Variants in CCAR1 observed in about 807,000 individuals in gnomAD.
CCAR1 encodes the protein cell division cycle and apoptosis regulator 1, also known as cell division cycle and apoptosis regulator protein 1.
CCAR1 carries 78 observed loss-of-function variants against 163.8 expected under a neutral mutation model. The ratio of observed to expected loss-of-function variants is 0.48; its 90% confidence interval spans 0.40 to 0.57. CCAR1 has a LOEUF of 0.57. CCAR1 is among the 20% of genes least tolerant of loss of function. The pLI, the probability that CCAR1 is intolerant of heterozygous loss-of-function variation, is 0.00. For missense variants in CCAR1, 1,019 were observed against 1,365.2 expected (o/e 0.75, Z 4.00); for synonymous variants, 443 against 460.7 (o/e 0.96, Z 0.49).
intron 2 of CCAR1, among the ~76,000 whole-genome samples, chr10:68,725,600 G>T (rs1277745622): frequency 6.6e-6 from 1 of 151,974 alleles, no homozygotes; most frequent in Non-Finnish European, 1.5e-5. Flanking sequence ...TGTGTTTAGG[G>T]ATTTCAAATA....
chr10:68,757,289 G>T lies in CCAR1; in HGVS notation c.1837-5G>T. The stretch of plus-strand genomic sequence containing the variant: ...AGTAATTACATTCTTAACTTTGTAT[G>T]TCAGGATGAAGAAGAGAAGGATGAT... On this transcript the variant is annotated splice_polypyrimidine_tract_variant and splice_region_variant and intron_variant, in intron 14 of 24. Coordinates refer to ENST00000265872, the MANE Select transcript of CCAR1 (RefSeq NM_018237.4). 1 of 1,464,902 alleles carries T rather than the reference G, an allele frequency of 6.8e-7. No homozygotes were observed. Among genetic ancestry groups the T allele is most frequent in the Non-Finnish European group, 9.5e-7 (1 of 1,048,818 alleles). 90.7% of individuals were successfully genotyped at this position (1,464,902 alleles called of 1,614,324 possible). A position where few individuals can be genotyped will look rare whatever the true frequency, so the allele number is the denominator to read the frequency against.
intron 6 of CCAR1, among the ~76,000 whole-genome samples, chr10:68,743,482 A>G (rs2056210968): frequency 1.3e-5 from 2 of 151,338 alleles, no homozygotes; most frequent in Non-Finnish European, 2.9e-5. Flanking sequence ...GTAATATTGT[A>G]TTTTTATTTT....
intron 18 of CCAR1, 28 bp from the exon 19 acceptor site, chr10:68,772,960 T>G (rs2056621600): frequency 8.5e-7 from 1 of 1,173,532 alleles, no homozygotes; most frequent in Admixed American, 2.4e-5. Context: ...AATAAGTAAA[T>G]AAATAATAAA....
Position 68,756,830 on chromosome 10 carries a change from A to T in CCAR1, c.1836+347A>T, listed in dbSNP as rs1347929760. On this transcript the variant is annotated intron_variant, in intron 14 of 24. Transcript: ENST00000265872. This position sits in a 1 kb window ranked among gnomAD's most constrained non-coding sequence, Gnocchi z 5.1. ...AACATTTTGCCATTTTCTAAAATTTAAAAAATTTTCTTTTTCATGGTCATC... is the reference window on the plus strand; with the variant it reads ...AACATTTTGCCATTTTCTAAAATTTTAAAAATTTTCTTTTTCATGGTCATC... Among the ~76,000 whole-genome samples, 1 of 152,230 alleles carries T rather than the reference A, an allele frequency of 6.6e-6. No homozygotes were observed. The highest frequency in any genetic ancestry group is 1.5e-5 in the Non-Finnish European group (1 of 68,038).
chr10:68,760,350 G>A (rs942390925), intron 15 of CCAR1, among the ~76,000 whole-genome samples: 1 of 151,996 alleles, frequency 6.6e-6, no homozygotes, highest in Non-Finnish European at 1.5e-5. Context: ...TTTTTTGGAG[G>A]GAGGAAATAA....
intron 2 of CCAR1, among the ~76,000 whole-genome samples, chr10:68,736,522 T>C (rs1334175272): frequency 6.6e-6 from 1 of 152,218 alleles, no homozygotes; most frequent in Non-Finnish European, 1.5e-5. Flanking sequence ...GCCACCATTT[T>C]ACTCTGTTTC....
chr10:68,771,506 T>C (rs1409591394), intron 18 of CCAR1, 61 bp downstream of exon 18: 1 of 1,400,956 alleles, frequency 7.1e-7, no homozygotes, highest in Non-Finnish European at 9.8e-7. Context: ...TAAAGGTTGA[T>C]GTTGATTTCC....
intron 17 of CCAR1, among the ~76,000 whole-genome samples, chr10:68,770,509 A>G (rs1220978470): frequency 2.0e-5 from 3 of 152,102 alleles, no homozygotes; most frequent in Admixed American, 6.6e-5. Context: ...TTGGGAGACC[A>G]AGGCAGGCGG....
At chr10:68,774,967 A>G (rs944034750) in intron 19 of CCAR1, 13 of 389,346 alleles carry the variant, frequency 3.3e-5, no homozygotes, top group Middle Eastern at 4.3e-4. Flanking sequence ...GTCTCTGGCA[A>G]TTACTTTTAT....
intron 12 of CCAR1, among the ~76,000 whole-genome samples, 183 bp downstream of exon 12, chr10:68,755,010 T>C (rs1307152212): frequency 2.0e-5 from 3 of 152,256 alleles, no homozygotes; most frequent in Non-Finnish European, 2.9e-5. Flanking sequence ...CTATATCTTA[T>C]TTGTACGCTA....
intron 2 of CCAR1, among the ~76,000 whole-genome samples, chr10:68,722,972 T>C (rs1056682308): frequency 3.9e-5 from 6 of 152,046 alleles, no homozygotes; most frequent in African/African-American, 1.2e-4. Flanking sequence ...TATTCTGATA[T>C]TGTAAAGTGT....
chr10:68,747,527 ACTCAACCACAGCCCTTATTACAGCAGC>A lies in CCAR1; in HGVS notation c.792_818del (p.Pro265_Gln273del). The A allele has an allele frequency of 6.2e-7, 1 of 1,614,058 alleles. No individual in the cohort carries two copies. The highest frequency in any genetic ancestry group is 1.1e-5 in the South Asian group (1 of 91,078). On this transcript the variant is annotated inframe_deletion, in exon 8 of 25. Coordinates refer to ENST00000265872, the MANE Select transcript of CCAR1 (RefSeq NM_018237.4). ...AGCTTCTATTACACCACTATTGCAG[ACTCAACCACAGCCCTTATTACAGCAGC>A]CTCAGCAAAAAGGTATCTTTGCTTT...
intron 11 of CCAR1, 45 bp downstream of exon 11, chr10:68,754,122 A>T: frequency 7.6e-7 from 1 of 1,321,516 alleles, no homozygotes; most frequent in Non-Finnish European, 1.1e-6. Flanking sequence ...CTTAGCAGTT[A>T]TTCATAATAA....
rs893620281 is a variant in CCAR1, at chr10:68,769,450, A to G, written c.2299-1756A>G. Among the ~76,000 whole-genome samples, 3 of 152,032 alleles carry G rather than the reference A, an allele frequency of 2.0e-5. 1 individual carries two copies. In the South Asian group the frequency reaches 6.2e-4, roughly 31 times the overall value. On this transcript the variant is annotated intron_variant, in intron 17 of 24. Coordinates refer to ENST00000265872, the MANE Select transcript of CCAR1 (RefSeq NM_018237.4). ...AGCCTGACCAACATGGAGAAACCCC[A>G]TCTCTACTAAAAATACTAAATTAGC...
intron 17 of CCAR1, 68 bp downstream of exon 17, chr10:68,766,147 A>T: frequency 1.1e-6 from 1 of 914,488 alleles, no homozygotes; most frequent in Admixed American, 2.6e-5. Context: ...ATATATCTCT[A>T]TCTCTGAAAT....
intron 19 of CCAR1, among the ~76,000 whole-genome samples, chr10:68,783,796 C>T (rs1042738877): frequency 2.0e-5 from 3 of 151,216 alleles, no homozygotes; most frequent in East Asian, 1.9e-4. Flanking sequence ...CTTGCTCTGT[C>T]GCCCAGGCTA....
intron 9 of CCAR1, 79 bp downstream of exon 9, chr10:68,749,344 G>C: frequency 7.2e-7 from 1 of 1,388,474 alleles, no homozygotes; most frequent in Non-Finnish European, 9.6e-7. Flanking sequence ...ACTGAACTAT[G>C]CTTATAATAT....
intron 2 of CCAR1, among the ~76,000 whole-genome samples, chr10:68,728,845 C>G (rs1025514387): frequency 6.6e-6 from 1 of 151,810 alleles, no homozygotes; most frequent in Admixed American, 6.6e-5. Flanking sequence ...ATCTCAGCTA[C>G]TTGGGAGGCT....
chr10:68,780,684 T>TA (rs1290057205), intron 19 of CCAR1, among the ~76,000 whole-genome samples: 1 of 152,178 alleles, frequency 6.6e-6, no homozygotes, highest in East Asian at 1.9e-4. Context: ...CACTTTGACT[T>TA]TCTTTCACAT....
Sources: gnomAD v4.1 joint callset for allele counts (sites outside exome capture counted in the v4.1 genomes callset) on GRCh38, gnomAD v4.1.1 for gene constraint, Gnocchi (gnomAD v3.1) non-coding constraint, MANE v1.5 for transcripts, NCBI Gene and HGNC (gene_info 2026-07-23, HGNC 2026-07-21) for gene names.